Variants in CNN1 observed in about 807,000 individuals in gnomAD.
The protein encoded by CNN1 is calponin-1.
A neutral mutation model predicts 35.3 loss-of-function variants in CNN1; 21 were observed. The observed-to-expected ratio is 0.60, with a 90% CI of 0.42 to 0.86. The LOEUF (loss-of-function observed/expected upper bound fraction) is 0.86. Ranked by LOEUF, CNN1 falls within the 40% of genes least tolerant of loss-of-function variation. The pLI, the probability that CNN1 is intolerant of heterozygous loss-of-function variation, is 0.00. For synonymous variants in CNN1, 164 were observed against 161.8 expected, an observed-to-expected ratio of 1.01 and a Z score of -0.10; for missense variants, 314 against 400.8, an observed-to-expected ratio of 0.78 and a Z score of 1.85.
intron 2 of CNN1, among the ~76,000 whole-genome samples, chr19:11,542,855 T>A (rs1972496507): frequency 6.6e-6 from 1 of 152,154 alleles, no homozygotes; most frequent in Non-Finnish European, 1.5e-5. Flanking sequence ...ATTATAGGCG[T>A]GAGCCACCGC....
At chr19:11,545,962 C>T (rs1434426911) in intron 2 of CNN1, among the ~76,000 whole-genome samples, 1 of 149,880 alleles carries the variant, frequency 6.7e-6, no homozygotes, top group Non-Finnish European at 1.5e-5. Context: ...CCACACCCTG[C>T]ATCAAAAAGA....
chr19:11,549,475 T>C lies in CNN1; in HGVS notation c.648+6T>C, dbSNP rs1267048975. 6.2e-7 allele frequency: 1 copy of C among 1,612,920 alleles called. No homozygotes were observed. Among genetic ancestry groups the C allele is most frequent in the Non-Finnish European group, 8.5e-7 (1 of 1,179,534 alleles). On this transcript the variant is annotated splice_donor_region_variant and intron_variant, in intron 6 of 6. Coordinates refer to ENST00000252456, the MANE Select transcript of CNN1 (RefSeq NM_001299.6). This position sits in a 1 kb window ranked among gnomAD's most constrained non-coding sequence, Gnocchi z 5.2. ...CCAACAAAGGAGCCAGCCAGGTGAG[T>C]GGGGGCCCCCGGGACACGCCGTCAA... is the stretch of plus-strand genomic sequence containing the variant.
At chr19:11,541,223 C>G in intron 2 of CNN1, 26 bp downstream of exon 2, 1 of 1,530,536 alleles carries the variant, frequency 6.5e-7, no homozygotes, top group Non-Finnish European at 8.8e-7. Context: ...GAAGCCGAGA[C>G]CCTGCAACAT....
intron 2 of CNN1, among the ~76,000 whole-genome samples, chr19:11,542,522 T>G (rs1459036268): frequency 1.3e-5 from 2 of 151,316 alleles, no homozygotes; most frequent in African/African-American, 4.9e-5. Flanking sequence ...CCTCAAAACC[T>G]CATTGCTGAG....
chr19:11,539,743 C>T (rs1438496781), intron 1 of CNN1: 2 of 1,031,808 alleles, frequency 1.9e-6, no homozygotes, highest in African/African-American at 1.7e-5. Context: ...TGGCTTTTCC[C>T]AGGGTCCCAT....
chr19:11,547,407 A>C (rs919630719), intron 4 of CNN1, among the ~76,000 whole-genome samples: 19 of 149,362 alleles, frequency 1.3e-4, no homozygotes, highest in South Asian at 4.3e-4. Flanking sequence ...AAAAAAAAAA[A>C]CAAAAAACAA....
In CNN1 at chr19:11,544,391, C is replaced by T. The variant is rs534856393; in HGVS notation, c.186-2284C>T. ...GTTCAAGAAACAAGAAGGAGGCTGGCGTGACGAGCACCAAATGATTGAGCA... is the reference window on the plus strand; with the variant it reads ...GTTCAAGAAACAAGAAGGAGGCTGGTGTGACGAGCACCAAATGATTGAGCA... On this transcript the variant is annotated intron_variant, in intron 2 of 6. Transcript: ENST00000252456. Among the ~76,000 whole-genome samples the T allele has an allele frequency of 4.1e-4, 62 of 152,036 alleles. 3 individuals are homozygous for T. Among genetic ancestry groups the T allele is most frequent in the Non-Finnish European group, 1.8e-4 (12 of 68,020 alleles).
chr19:11,549,822 C>T lies in CNN1; in HGVS notation c.*27C>T, dbSNP rs1972681584. ...GCCACAAGGCCTTCCCTGTTTTCCC[C>T]CCAAGGGAGGCTGCTGCTGCTCTTG... On this transcript the variant is annotated 3_prime_UTR_variant, in exon 7 of 7. Coordinates refer to ENST00000252456, the MANE Select transcript of CNN1 (RefSeq NM_001299.6). The surrounding 1 kb of genome is among the most constrained non-coding windows in gnomAD (Gnocchi z 5.2). The T allele has an allele frequency of 2.5e-6, 4 of 1,576,870 alleles. No individual in the cohort carries two copies. The highest frequency in any genetic ancestry group is 3.5e-6 in the Non-Finnish European group (4 of 1,156,616).
intron 1 of CNN1, 155 bp downstream of exon 1, chr19:11,539,145 C>T: frequency 1.9e-6 from 2 of 1,069,108 alleles, no homozygotes; most frequent in Non-Finnish European, 2.5e-6. Context: ...GCCTGTCTCC[C>T]CCTGAACATC....
chr19:11,545,916 T>C (rs895949721), intron 2 of CNN1, among the ~76,000 whole-genome samples: 3 of 150,238 alleles, frequency 2.0e-5, no homozygotes, highest in Non-Finnish European at 3.0e-5. Context: ...CAGTGAGCTG[T>C]GATTGCACCA....
chr19:11,544,205 G>A (rs548563031), intron 2 of CNN1, among the ~76,000 whole-genome samples: 1 of 152,014 alleles, frequency 6.6e-6, no homozygotes, highest in Non-Finnish European at 1.5e-5. Context: ...ATGTCTGCGG[G>A]TGGAGAGTCT....
chr19:11,548,590 C>T (rs1372728525), intron 5 of CNN1, among the ~76,000 whole-genome samples: 1 of 151,732 alleles, frequency 6.6e-6, no homozygotes, highest in Non-Finnish European at 1.5e-5. Flanking sequence ...GTAATCCTAG[C>T]ACTTCGGGAG....
chr19:11,547,213 A>G (rs1233578700), intron 4 of CNN1, among the ~76,000 whole-genome samples: 1 of 151,954 alleles, frequency 6.6e-6, no homozygotes, highest in Non-Finnish European at 1.5e-5. Context: ...TCTGGCCAAC[A>G]TGGTGAAATC....
chr19:11,547,851 G>T lies in CNN1; in HGVS notation c.445G>T (p.Glu149Ter). The T allele has an allele frequency of 6.2e-7, 1 of 1,614,102 alleles. No individual in the cohort carries two copies. The highest frequency in any genetic ancestry group is 8.5e-7 in the Non-Finnish European group (1 of 1,179,994). The part of the protein sequence containing the change: ...NVGVKYAEKQ[E>*]RKFEPGKLRE... ...GGGAGTGAAGTACGCAGAGAAGCAG[G>T]AGCGGAAATTCGAGCCGGGGAAGCT... The change falls in exon 5 of 7, where the codon GAG (glutamate) becomes TAG (stop). Residue 149 changes from glutamate to a stop codon, truncating the protein, a stop_gained. Transcript: ENST00000252456. LOFTEE classifies it high-confidence loss of function.
At chr19:11,540,967 A>T in intron 1 of CNN1, 109 bp from the exon 2 acceptor site, 1 of 1,244,180 alleles carries the variant, frequency 8.0e-7, no homozygotes, top group African/African-American at 1.6e-5. Flanking sequence ...GTTGGGAAGG[A>T]CGAGGGAGAT....
chr19:11,549,327 G>C lies in CNN1; in HGVS notation c.506G>C (p.Gly169Ala), dbSNP rs781345733. Residue 169 changes from glycine (G) to alanine (A), a missense_variant, in exon 6 of 7, where the codon GGC (glycine) becomes GCC (alanine). Physicochemically the swap from Gly to Ala is moderately conservative, Grantham distance 60. Transcript: ENST00000252456. The surrounding 1 kb of genome is among the most constrained non-coding windows in gnomAD (Gnocchi z 5.2). ...ATTCTCCTTCTGGCTTCCTAGATGG[G>C]CACCAACAAGTTTGCCAGCCAGCAG... ...EGRNIIGLQM[G>A]TNKFASQQGM... 1.2e-6 allele frequency: 2 copies of C among 1,614,124 alleles called. No homozygotes were observed. The highest frequency in any genetic ancestry group is 1.7e-6 in the Non-Finnish European group (2 of 1,180,012).
intron 1 of CNN1, chr19:11,539,322 C>G (rs1452886705): frequency 9.0e-7 from 1 of 1,107,524 alleles, no homozygotes; most frequent in African/African-American, 1.7e-5. Context: ...TTTTCCATAT[C>G]CCCCGGCCTG....
Position 11,549,872 on chromosome 19 carries a change from A to T in CNN1, c.*77A>T, listed in dbSNP as rs1972682924. ...GGCTGGACCCAGCCAGGCCCAGCCG[A>T]CCCCCTCTCCCTGCATGGCATCCTC... On this transcript the variant is annotated 3_prime_UTR_variant, in exon 7 of 7. Transcript: ENST00000252456. The surrounding 1 kb of genome is among the most constrained non-coding windows in gnomAD (Gnocchi z 5.2). 1 of 1,527,998 alleles carries T rather than the reference A, an allele frequency of 6.5e-7. No individual in the cohort carries two copies. The highest frequency in any genetic ancestry group is 1.3e-5 in the South Asian group (1 of 79,038). 94.7% of individuals were successfully genotyped at this position (1,527,998 alleles called of 1,614,324 possible).
chr19:11,541,145 C>A lies in CNN1; in HGVS notation c.133C>A (p.Arg45Ser). The part of the protein sequence containing the change: ...REWIEGVTGR[R>S]IGNNFMDGLK... ...GTGGATCGAGGGGGTGACAGGCCGTCGCATCGGCAACAACTTCATGGACGG... is the reference window on the plus strand; with the variant it reads ...GTGGATCGAGGGGGTGACAGGCCGTAGCATCGGCAACAACTTCATGGACGG... Residue 45 changes from arginine (R) to serine (S), a missense_variant, in exon 2 of 7, where the codon CGC becomes AGC. Transcript: ENST00000252456. 1 of 1,607,324 alleles carries A rather than the reference C, an allele frequency of 6.2e-7. No homozygotes were observed. The highest frequency in any genetic ancestry group is 1.1e-5 in the South Asian group (1 of 90,522).
Sources: gnomAD v4.1 joint callset for allele counts (sites outside exome capture counted in the v4.1 genomes callset) on GRCh38, gnomAD v4.1.1 for gene constraint, Gnocchi (gnomAD v3.1) non-coding constraint, MANE v1.5 for transcripts, NCBI Gene and HGNC (gene_info 2026-07-23, HGNC 2026-07-21) for gene names.